Variants in BZW2 observed in about 807,000 individuals in gnomAD.
BZW2 encodes eIF5-mimic protein 1.
BZW2 carries 23 observed loss-of-function variants against 53.2 expected under a neutral mutation model. That is an observed-to-expected ratio of 0.43 (90% confidence interval 0.31 to 0.61). The LOEUF is 0.61. Among genes scored for constraint, BZW2 ranks in the 20% least tolerant of loss-of-function variants. The probability of loss-of-function intolerance (pLI) is 0.09; values close to 1 mark genes in which losing one functional copy is unlikely to be tolerated. For synonymous variants in BZW2, 227 were observed against 186.4 expected, an observed-to-expected ratio of 1.22 and a Z score of -1.77; for missense variants, 409 against 503.1, an observed-to-expected ratio of 0.81 and a Z score of 1.79.
At chr7:16,669,335 C>T (rs970708114) in intron 2 of BZW2, among the ~76,000 whole-genome samples, 24 of 152,160 alleles carry the variant, frequency 1.6e-4, no homozygotes, top group African/African-American at 5.5e-4. Flanking sequence ...TCATGTTGCT[C>T]AGGTTCGTCT....
intron 3 of BZW2, among the ~76,000 whole-genome samples, chr7:16,677,398 C>A (rs113643000): frequency 0.036 from 5,432 of 152,188 alleles, 321 homozygotes; most frequent in African/African-American, 0.12. Context: ...TCTCTTAGTA[C>A]CCCCTCTCAA....
chr7:16,698,147 A>C lies in BZW2; in HGVS notation c.1069A>C (p.Met357Leu). ...QEYCYDNIHF[M>L]KAFQKIVVLF... is the part of the protein sequence containing the mutation. ...ATACTGCTACGACAACATCCATTTC[A>C]TGAAAGCCTTTCAGAAGATTGTGGT... Residue 357 changes from methionine to leucine, a missense_variant, in exon 10 of 12, where the codon ATG (methionine) becomes CTG (leucine). By Grantham distance (15) the Met-to-Leu change is conservative. Coordinates refer to ENST00000258761, the MANE Select transcript of BZW2 (RefSeq NM_014038.3). 6.2e-7 allele frequency: 1 copy of C among 1,614,154 alleles called. No individual in the cohort carries two copies. The highest frequency in any genetic ancestry group is 1.3e-5 in the African/African-American group (1 of 75,050).
chr7:16,694,422 A>G (rs1373106861), intron 7 of BZW2, among the ~76,000 whole-genome samples: 1 of 152,098 alleles, frequency 6.6e-6, no homozygotes, highest in African/African-American at 2.4e-5. Context: ...GGCTCAGAGT[A>G]TCACATGGCG....
At chr7:16,669,772 G>A (rs1293821671) in intron 2 of BZW2, among the ~76,000 whole-genome samples, 1 of 152,138 alleles carries the variant, frequency 6.6e-6, no homozygotes, top group South Asian at 2.1e-4. Flanking sequence ...CAGTACAAGG[G>A]CTATGATGAC....
At chr7:16,696,276 A>C (rs778919501) in intron 8 of BZW2, among the ~76,000 whole-genome samples, 12 of 152,228 alleles carry the variant, frequency 7.9e-5, no homozygotes, top group Non-Finnish European at 1.5e-4. Context: ...AATTTTAGGC[A>C]AGCCTATATT....
At chr7:16,698,577 C>T (rs1783575421) in intron 10 of BZW2, among the ~76,000 whole-genome samples, 1 of 152,184 alleles carries the variant, frequency 6.6e-6, no homozygotes, top group East Asian at 1.9e-4. Flanking sequence ...ATAAATCTGA[C>T]TTTAAAATTA....
chr7:16,649,524 A>T (rs916230769), intron 1 of BZW2, among the ~76,000 whole-genome samples: 2 of 152,212 alleles, frequency 1.3e-5, no homozygotes, highest in African/African-American at 4.8e-5. Context: ...TGCCATTCTT[A>T]GATTTCCCCA....
chr7:16,650,893 A>G (rs757787664), intron 1 of BZW2, among the ~76,000 whole-genome samples: 92 of 152,252 alleles, frequency 6.0e-4, no homozygotes, highest in Admixed American at 1.0e-3. Context: ...TAAACTATCT[A>G]TTTTGAAAAT....
At position 16,677,493 on chromosome 7, in the gene BZW2, G is replaced by A. The variant is rs1461762679; in HGVS notation, c.235+2905G>A. Among the ~76,000 whole-genome samples, 3 of 152,190 alleles carry A rather than the reference G, an allele frequency of 2.0e-5. No individual in the cohort carries two copies. In the East Asian group the frequency reaches 5.8e-4, roughly 29 times the overall value. The stretch of plus-strand genomic sequence containing the variant: ...TGAATTGAGGTGTAGTAGGGGTTGT[G>A]TAGTTGAGATTTCCTCGGGAGGGGT... On this transcript the variant is annotated intron_variant, in intron 3 of 11. Transcript: ENST00000258761.
intron 7 of BZW2, among the ~76,000 whole-genome samples, chr7:16,692,845 C>G (rs1562494914): frequency 6.6e-6 from 1 of 152,226 alleles, no homozygotes; most frequent in East Asian, 1.9e-4. Context: ...GTGGAAAGCC[C>G]TCTGTGATAA....
chr7:16,657,144 G>A (rs1782144470), intron 1 of BZW2, among the ~76,000 whole-genome samples: 1 of 152,176 alleles, frequency 6.6e-6, no homozygotes, highest in Admixed American at 6.5e-5. Flanking sequence ...AACTTCAAAA[G>A]AGGTTAAAAC....
chr7:16,658,225 G>A (rs920850921), intron 1 of BZW2, among the ~76,000 whole-genome samples: 1 of 152,134 alleles, frequency 6.6e-6, no homozygotes, highest in Non-Finnish European at 1.5e-5. Context: ...AGACCAGGAA[G>A]TGATTCCTAG....
intron 11 of BZW2, among the ~76,000 whole-genome samples, chr7:16,704,872 G>T (rs1363617314): frequency 6.6e-6 from 1 of 152,134 alleles, no homozygotes; most frequent in Non-Finnish European, 1.5e-5. Flanking sequence ...AACAAAGAAA[G>T]AAATGAAATG....
chr7:16,660,161 C>T (rs1009022224), intron 1 of BZW2, among the ~76,000 whole-genome samples: 4 of 152,022 alleles, frequency 2.6e-5, no homozygotes, highest in Admixed American at 6.5e-5. Context: ...AGGACATGAA[C>T]TCATCCTTTT....
At chr7:16,672,905 T>C (rs1036452643) in intron 2 of BZW2, among the ~76,000 whole-genome samples, 6 of 151,186 alleles carry the variant, frequency 4.0e-5, no homozygotes, top group Admixed American at 1.3e-4. Context: ...CATTTATGCT[T>C]TTCATGTGTG....
At chr7:16,685,726 A>G (rs1354899922) in intron 5 of BZW2, among the ~76,000 whole-genome samples, 179 bp from the exon 6 acceptor site, 16 of 152,132 alleles carry the variant, frequency 1.1e-4, no homozygotes, top group Admixed American at 9.2e-4. Flanking sequence ...GTCACTTTCC[A>G]CAGCATCCAG....
At chr7:16,656,190 A>G (rs975115267) in intron 1 of BZW2, among the ~76,000 whole-genome samples, 8 of 149,654 alleles carry the variant, frequency 5.3e-5, no homozygotes, top group African/African-American at 1.5e-4. Flanking sequence ...CAGTCCAGGA[A>G]TGTGTATTGC....
chr7:16,667,065 C>T (rs1300316916), intron 2 of BZW2, among the ~76,000 whole-genome samples: 1 of 151,980 alleles, frequency 6.6e-6, no homozygotes, highest in African/African-American at 2.4e-5. Context: ...AGTGGATCAC[C>T]TAAGGTTGGT....
chr7:16,679,883 G>A (rs1171942000), intron 3 of BZW2, among the ~76,000 whole-genome samples: 2 of 152,112 alleles, frequency 1.3e-5, no homozygotes, highest in Non-Finnish European at 2.9e-5. Context: ...AATTCCTAAT[G>A]TTCTCATTCT....
Sources: gnomAD v4.1 joint callset for allele counts (sites outside exome capture counted in the v4.1 genomes callset) on GRCh38, gnomAD v4.1.1 for gene constraint, MANE v1.5 for transcripts, NCBI Gene and HGNC (gene_info 2026-07-23, HGNC 2026-07-21) for gene names.